FGD5: variants seen among roughly 807,000 people sequenced by gnomAD.
FGD5 encodes FYVE, RhoGEF and PH domain-containing protein 5.
A neutral mutation model predicts 133.4 loss-of-function variants in FGD5; 28 were observed. The observed-to-expected ratio is 0.21, with a 90% CI of 0.16 to 0.29. The LOEUF (loss-of-function observed/expected upper bound fraction) is 0.29. Among genes scored for constraint, FGD5 ranks in the 10% least tolerant of loss-of-function variants. The probability of loss-of-function intolerance (pLI) is 1.00; values close to 1 mark genes in which losing one functional copy is unlikely to be tolerated. For synonymous variants in FGD5, 810 were observed against 776.5 expected, an observed-to-expected ratio of 1.04 and a Z score of -0.72; for missense variants, 1,858 against 1,895.2, an observed-to-expected ratio of 0.98 and a Z score of 0.36.
At chr3:14,881,543 G>A (rs951436125) in intron 4 of FGD5, among the ~76,000 whole-genome samples, 10 of 152,306 alleles carry the variant, frequency 6.6e-5, no homozygotes, top group African/African-American at 1.4e-4. Context: ...AGGCCATAGC[G>A]AAGCGTGAGA....
At chr3:14,887,685 T>C (rs1268718440) in intron 4 of FGD5, among the ~76,000 whole-genome samples, 1 of 151,702 alleles carries the variant, frequency 6.6e-6, no homozygotes, top group Non-Finnish European at 1.5e-5. Flanking sequence ...AAAAGAACAA[T>C]AGTAACGCAG....
intron 12 of FGD5, among the ~76,000 whole-genome samples, chr3:14,918,514 CG>C (rs2125151694): frequency 6.6e-6 from 1 of 152,338 alleles, no homozygotes; most frequent in African/African-American, 2.4e-5. Context: ...TGGGGTTGCC[CG>C]GGCTGGGCCC....
At chr3:14,880,923 C>T (rs541549010) in intron 4 of FGD5, among the ~76,000 whole-genome samples, 151 bp downstream of exon 4, 4 of 152,308 alleles carry the variant, frequency 2.6e-5, no homozygotes, top group African/African-American at 4.8e-5. Flanking sequence ...CAGGGAAGTC[C>T]GTCTCCTGAT....
chr3:14,844,218 ATATATATATATATATAT>A lies in FGD5; in HGVS notation c.2526-19909_2526-19893del, dbSNP rs1174152266. ...TTAATAGGCATTAAAAAAAAAAAAA[ATATATATATATATATAT>A]ATATATATATATATATATATATATA... is the stretch of plus-strand genomic sequence containing the variant. On this transcript the variant is annotated intron_variant, in intron 1 of 19. Transcript: ENST00000285046. 8.4e-3 allele frequency among the ~76,000 whole-genome samples: 183 copies of A among 21,680 alleles called. 17 individuals are homozygous for A. The Middle Eastern group carries it at 0.094, about 11-fold the overall frequency. 14.2% of individuals were successfully genotyped at this position (21,680 alleles called of 152,430 possible). A position where few individuals can be genotyped will look rare whatever the true frequency, so the allele number is the denominator to read the frequency against.
rs1314693557 is a variant in FGD5 at position 14,821,606 on chromosome 3, A to C, written c.2525+10A>C. ...ACCAGGACGCAGAAAGGTACCTGAC[A>C]TTCTATTTCCTTTCTTGTTCGGCAG... On this transcript the variant is annotated intron_variant, in intron 1 of 19. Transcript: ENST00000285046. The C allele has an allele frequency of 1.3e-6, 2 of 1,565,182 alleles. No individual in the cohort carries two copies. The highest frequency in any genetic ancestry group is 4.5e-5 in the East Asian group (2 of 44,154).
In FGD5 at chr3:14,933,266, G is replaced by A; in HGVS notation, c.*99G>A. On this transcript the variant is annotated 3_prime_UTR_variant, in exon 20 of 20. Coordinates refer to ENST00000285046, the MANE Select transcript of FGD5 (RefSeq NM_152536.4). Reference sequence around the variant, plus strand: ...CTCAACTCATCCGGACACACACCTGGATTCAGCAATGAGGCCTGACCTTTT... The same window carrying A: ...CTCAACTCATCCGGACACACACCTGAATTCAGCAATGAGGCCTGACCTTTT... The A allele has an allele frequency of 7.1e-7, 1 of 1,412,152 alleles. No individual in the cohort carries two copies. 87.5% of individuals were successfully genotyped at this position (1,412,152 alleles called of 1,614,324 possible).
Position 14,851,936 on chromosome 3 carries a change from A to G in FGD5, c.2526-12192A>G, listed in dbSNP as rs1315081854. ...AGGATGGCTAAGATAAAAAAAAAAA[A>G]GGCAGACAATAACAAGTGTTGACAA... On this transcript the variant is annotated intron_variant, in intron 1 of 19. Coordinates refer to ENST00000285046, the MANE Select transcript of FGD5 (RefSeq NM_152536.4). Among the ~76,000 whole-genome samples, 6 of 150,432 alleles carry G rather than the reference A, an allele frequency of 4.0e-5. No homozygotes were observed. In the Admixed American group the frequency reaches 4.0e-4, roughly 10 times the overall value.
rs755271177 is a variant in FGD5 at position 14,907,648 on chromosome 3, G to A, written c.3273G>A (p.Leu1091=). The A allele has an allele frequency of 1.9e-6, 3 of 1,613,500 alleles. No homozygotes were observed. The highest frequency in any genetic ancestry group is 2.5e-6 in the Non-Finnish European group (3 of 1,179,600). Residue 1091 remains leucine (L), a synonymous_variant, in exon 10 of 20, where the codon CTG becomes CTA. Coordinates refer to ENST00000285046, the MANE Select transcript of FGD5 (RefSeq NM_152536.4). ...ANDSMEQGEN[L]QKLVHIEHSV... ...CCCATTCCCACCCACAGGAAAACCTGCAGAAGCTGGTCCACATTGAGCACA... is the reference window on the plus strand; with the variant it reads ...CCCATTCCCACCCACAGGAAAACCTACAGAAGCTGGTCCACATTGAGCACA...
At chr3:14,884,198 C>CT (rs2125120779) in intron 4 of FGD5, among the ~76,000 whole-genome samples, 1 of 152,320 alleles carries the variant, frequency 6.6e-6, no homozygotes, top group South Asian at 2.1e-4. Flanking sequence ...CTTCTATCCT[C>CT]TGTTTTTTCA....
intron 9 of FGD5, among the ~76,000 whole-genome samples, chr3:14,901,774 C>T (rs1324802946): frequency 1.3e-5 from 2 of 152,226 alleles, no homozygotes; most frequent in African/African-American, 4.8e-5. Flanking sequence ...GAGTCATCCA[C>T]AGGCAGAAGA....
At chr3:14,842,301 A>G (rs1375530386) in intron 1 of FGD5, among the ~76,000 whole-genome samples, 1 of 152,160 alleles carries the variant, frequency 6.6e-6, no homozygotes, top group African/African-American at 2.4e-5. Flanking sequence ...TTCCTCCCAG[A>G]TCACCAGGGC....
At position 14,932,748 on chromosome 3, in the gene FGD5, T is replaced by G. The variant is rs771329633; in HGVS notation, c.4352+17T>G. 8 of 1,609,338 alleles carry G rather than the reference T, an allele frequency of 5.0e-6. No homozygotes were observed. The highest frequency in any genetic ancestry group is 5.9e-6 in the Non-Finnish European group (7 of 1,178,522). On this transcript the variant is annotated intron_variant, in intron 19 of 19. Coordinates refer to ENST00000285046, the MANE Select transcript of FGD5 (RefSeq NM_152536.4). ...AGCTCAGAGGTACGAAAAGAACTAA[T>G]TAGTCTTATAGCTTTTTGTTCTCTC...
intron 4 of FGD5, among the ~76,000 whole-genome samples, chr3:14,886,728 G>A (rs2037930900): frequency 6.6e-6 from 1 of 152,150 alleles, no homozygotes; most frequent in Non-Finnish European, 1.5e-5. Flanking sequence ...TCATTTTCAT[G>A]CGGCTCACAA....
chr3:14,860,928 A>G (rs1172380487), intron 1 of FGD5, among the ~76,000 whole-genome samples: 1 of 152,138 alleles, frequency 6.6e-6, no homozygotes, highest in Non-Finnish European at 1.5e-5. Flanking sequence ...GCGGTGAGCT[A>G]TGATCATACC....
At chr3:14,872,059 A>T (rs2037620661) in intron 2 of FGD5, among the ~76,000 whole-genome samples, 1 of 152,214 alleles carries the variant, frequency 6.6e-6, no homozygotes, top group Non-Finnish European at 1.5e-5. Context: ...TGCTCACTTA[A>T]GTCTGAACTC....
intron 1 of FGD5, among the ~76,000 whole-genome samples, chr3:14,858,355 G>GTGGATGGA (rs61642170): frequency 0.14 from 18,205 of 130,764 alleles, 1,554 homozygotes; most frequent in Middle Eastern, 0.2. Flanking sequence ...GGGTGGGTGG[G>GTGGATGGA]TGGATGGATG....
chr3:14,884,653 CAG>C (rs1216708013), intron 4 of FGD5, among the ~76,000 whole-genome samples: 2 of 152,158 alleles, frequency 1.3e-5, no homozygotes, highest in African/African-American at 2.4e-5. Context: ...GAAATTTCGA[CAG>C]GGCACGGTGG....
At chr3:14,864,312 G>T (rs373300066) in intron 2 of FGD5, 52 bp downstream of exon 2, 1 of 1,611,958 alleles carries the variant, frequency 6.2e-7, no homozygotes, top group Non-Finnish European at 8.5e-7. Flanking sequence ...AGGGTGGAGA[G>T]ATGGCTGTAA....
intron 1 of FGD5, among the ~76,000 whole-genome samples, chr3:14,862,371 C>G (rs778275997): frequency 6.6e-6 from 1 of 152,136 alleles, no homozygotes; most frequent in Non-Finnish European, 1.5e-5. Flanking sequence ...TTTTGTGAGA[C>G]CAGTCCATGC....
Sources: allele counts gnomAD v4.1 joint callset (sites outside exome capture counted in the v4.1 genomes callset), GRCh38; gene constraint gnomAD v4.1.1; transcripts MANE v1.5; gene names NCBI Gene and HGNC (gene_info 2026-07-23, HGNC 2026-07-21).